TMEM235: variants seen among roughly 807,000 people sequenced by gnomAD.
TMEM235 encodes transmembrane protein 235.
Under a neutral mutation model 22.9 loss-of-function variants are expected in TMEM235, and 23 were observed. The ratio of observed to expected loss-of-function variants is 1.00; its 90% CI spans 0.72 to 1.42. The LOEUF (loss-of-function observed/expected upper bound fraction) is 1.42, where lower values mean the gene tolerates loss of function less well. TMEM235 is among the 40% of genes most tolerant of loss of function. TMEM235 has a pLI of 0.00. For synonymous variants in TMEM235, 137 were observed against 140.5 expected (o/e 0.98, Z 0.17); for missense variants, 308 against 299.5 (o/e 1.03, Z -0.21).
At chr17:78,231,698 A>T (rs1567871608) in exon 2 of TMEM235, 1 of 1,279,192 alleles carries the variant, frequency 7.8e-7, no homozygotes, top group Non-Finnish European at 1.0e-6. Flanking sequence ...GGTTCAGGGA[A>T]ATTAAGGAAC....
chr17:78,231,353 G>T, intron 1 of TMEM235: 1 of 1,201,694 alleles, frequency 8.3e-7, no homozygotes, highest in South Asian at 1.4e-5. Flanking sequence ...TGAGTGACTG[G>T]ACAGGCAGAG....
At chr17:78,231,895 A>T in exon 2 of TMEM235, 1 of 1,063,168 alleles carries the variant, frequency 9.4e-7, no homozygotes, top group Non-Finnish European at 1.1e-6. Flanking sequence ...AGGAGCGGGG[A>T]CGTGCTCAGA....
chr17:78,232,208 G>T, exon 2 of TMEM235: 1 of 1,475,780 alleles, frequency 6.8e-7, no homozygotes, highest in Non-Finnish European at 8.9e-7. Context: ...TGGCGCATCT[G>T]CGAAGGTAAC....
At chr17:78,232,289 G>A (rs1215850219) in intron 2 of TMEM235, 76 bp downstream of exon 1, 5 of 1,318,052 alleles carry the variant, frequency 3.8e-6, no homozygotes, top group African/African-American at 1.5e-5. Flanking sequence ...CGCCCTGCTC[G>A]TGTTGCCCCG....
exon 6 of TMEM235, chr17:78,240,013 C>G: frequency 6.5e-7 from 1 of 1,528,536 alleles, no homozygotes; most frequent in Non-Finnish European, 8.8e-7. Context: ...CCCTTGTTCT[C>G]AAGCCTGCTA....
exon 5 of TMEM235, chr17:78,239,179 G>A (rs959757730): frequency 1.8e-5 from 28 of 1,542,960 alleles, no homozygotes; most frequent in Admixed American, 1.6e-4. Flanking sequence ...TGCCTTGGAG[G>A]CATTCAGCGG....
At chr17:78,234,257 C>T (rs2076617261) in intron 3 of TMEM235, 1 of 689,186 alleles carries the variant, frequency 1.5e-6, no homozygotes, top group Middle Eastern at 2.3e-4. Flanking sequence ...TGGCTGGATC[C>T]TGCGGGCCTT....
rs1158499648 is a variant in TMEM235, at chr17:78,238,466, G to A, written c.410-558G>A. 1.3e-5 allele frequency among the ~76,000 whole-genome samples: 2 copies of A among 152,064 alleles called. No homozygotes were observed. The highest frequency in any genetic ancestry group is 2.9e-5 in the Non-Finnish European group (2 of 68,002). On this transcript the variant is annotated intron_variant, in intron 4 of 5. Coordinates refer to ENST00000421688, the Ensembl canonical transcript of TMEM235. The surrounding 1 kb of genome is among the most constrained non-coding windows in gnomAD (Gnocchi z 4.3). ...CCGGAGGTAGGGAGGGCAAAGGTGT[G>A]AGGAAGAGGAGGCGGGGGTGCAGGG...
chr17:78,233,233 A>G (rs1489337722), intron 2 of TMEM235, among the ~76,000 whole-genome samples: 1 of 152,242 alleles, frequency 6.6e-6, no homozygotes, highest in Admixed American at 6.5e-5. Context: ...AGTCAGGAAG[A>G]TTCCAGAGCG....
At chr17:78,239,785 G>A (rs2076688367) in exon 6 of TMEM235, 1 of 1,545,918 alleles carries the variant, frequency 6.5e-7, no homozygotes, top group East Asian at 2.5e-5. Flanking sequence ...TACAGAGGGG[G>A]AGACTGAGGC....
Position 78,238,977 on chromosome 17 carries a change from C to T in TMEM235, c.410-47C>T. ...TCTGCAGGACCACCTGGGCCTGGGC[C>T]CGCTAGAGCAGACACCGAGCAGCTG... On this transcript the variant is annotated intron_variant, in intron 4 of 5. Transcript: ENST00000421688. The surrounding 1 kb of genome is among the most constrained non-coding windows in gnomAD (Gnocchi z 4.3). 1 of 1,508,220 alleles carries T rather than the reference C, an allele frequency of 6.6e-7. No homozygotes were observed. The highest frequency in any genetic ancestry group is 8.9e-7 in the Non-Finnish European group (1 of 1,126,818). The allele number at this position is 1,508,220 out of a possible 1,614,324, so 93.4% of individuals were successfully genotyped here.
intron 2 of TMEM235, 107 bp downstream of exon 1, chr17:78,232,320 C>T: frequency 9.1e-7 from 1 of 1,098,120 alleles, no homozygotes; most frequent in Non-Finnish European, 1.2e-6. Flanking sequence ...TTCCAGGACC[C>T]CTCTCTTGCA....
rs973119014 is a variant in TMEM235 at position 78,237,301 on chromosome 17, G to A, written c.410-1723G>A. Among the ~76,000 whole-genome samples the A allele has an allele frequency of 5.3e-5, 8 of 152,224 alleles. No individual in the cohort carries two copies. The East Asian group carries it at 1.2e-3, about 22-fold the overall frequency. ...GGAGGGAGATAGAGGGCCCCAGATC[G>A]ATTGGGTGCCCTTCCCTGAGACAGG... On this transcript the variant is annotated intron_variant, in intron 4 of 5. Transcript: ENST00000421688. The surrounding 1 kb of genome is among the most constrained non-coding windows in gnomAD (Gnocchi z 4.7).
chr17:78,236,685 G>A (rs1404565559), intron 4 of TMEM235, among the ~76,000 whole-genome samples: 1 of 152,236 alleles, frequency 6.6e-6, no homozygotes, highest in African/African-American at 2.4e-5. Context: ...CTAGGCCCGA[G>A]CCAGGCCCTG....
rs1475928230 is a variant in TMEM235, at chr17:78,238,441, C to T, written c.410-583C>T. Among the ~76,000 whole-genome samples the T allele has an allele frequency of 6.6e-6, 1 of 151,724 alleles. No homozygotes were observed. The highest frequency in any genetic ancestry group is 1.5e-5 in the Non-Finnish European group (1 of 67,912). On this transcript the variant is annotated intron_variant, in intron 4 of 5. Coordinates refer to ENST00000421688, the Ensembl canonical transcript of TMEM235. The surrounding 1 kb of genome is among the most constrained non-coding windows in gnomAD (Gnocchi z 4.3). Reference sequence around the variant, plus strand: ...AGTCAGAGGGAGGGGGATGTTAGCCCCGGAGGTAGGGAGGGCAAAGGTGTG... The same window carrying T: ...AGTCAGAGGGAGGGGGATGTTAGCCTCGGAGGTAGGGAGGGCAAAGGTGTG...
chr17:78,233,242 C>T (rs1397484787), intron 2 of TMEM235, among the ~76,000 whole-genome samples: 4 of 152,238 alleles, frequency 2.6e-5, no homozygotes, highest in Non-Finnish European at 5.9e-5. Flanking sequence ...GATTCCAGAG[C>T]GAGGCTTCCC....
chr17:78,240,134 C>A (rs1230446216), exon 6 of TMEM235: 2 of 1,223,152 alleles, frequency 1.6e-6, no homozygotes, highest in Non-Finnish European at 2.1e-6. Context: ...CTGCAGCAAC[C>A]CGGGGGAGGT....
Position 78,240,032 on chromosome 17 carries a change from T to C in TMEM235, c.*240T>C, listed in dbSNP as rs1337245721. ...TGTTCTCAAGCCTGCTAGGTACTTT[T>C]CACTGAGCACTTCCGGGAAGAGCAG... On this transcript the variant is annotated 3_prime_UTR_variant, in exon 6 of 6. Coordinates refer to ENST00000421688, the Ensembl canonical transcript of TMEM235. 1.1e-5 allele frequency: 16 copies of C among 1,506,852 alleles called. No individual in the cohort carries two copies. In the South Asian group the frequency reaches 2.0e-4, roughly 19 times the overall value. The allele number at this position is 1,506,852 out of a possible 1,614,324, so 93.3% of individuals were successfully genotyped here. A position where few individuals can be genotyped will look rare whatever the true frequency, so the allele number is the denominator to read the frequency against.
chr17:78,231,881 G>C (rs1434405192), exon 2 of TMEM235: 1 of 1,130,100 alleles, frequency 8.8e-7, no homozygotes, highest in East Asian at 9.0e-5. Flanking sequence ...GCCAGTGCGC[G>C]GGCAGGAGCG....
Sources: gnomAD v4.1 joint callset for allele counts (sites outside exome capture counted in the v4.1 genomes callset) on GRCh38, gnomAD v4.1.1 for gene constraint, Gnocchi (gnomAD v3.1) non-coding constraint, MANE v1.5 for transcripts, NCBI Gene and HGNC (gene_info 2026-07-23, HGNC 2026-07-21) for gene names.